WDR45B: variants seen among roughly 807,000 people sequenced by gnomAD.
WDR45B encodes the protein WD repeat domain phosphoinositide-interacting protein 3.
In WDR45B, 20 loss-of-function variants were observed where a neutral mutation model predicts 44.6. That is an observed-to-expected ratio of 0.45 (90% CI 0.32 to 0.65). The LOEUF is 0.65. WDR45B is among the 30% of genes least tolerant of loss of function. The probability of loss-of-function intolerance (pLI) is 0.05; values close to 1 mark genes in which losing one functional copy is unlikely to be tolerated. For synonymous variants in WDR45B, 169 were observed against 164.9 expected, an observed-to-expected ratio of 1.02 and a Z score of -0.19; for missense variants, 323 against 430.2, an observed-to-expected ratio of 0.75 and a Z score of 2.20.
chr17:82,635,228 A>T (rs1031942582), intron 2 of WDR45B, among the ~76,000 whole-genome samples: 1 of 151,830 alleles, frequency 6.6e-6, no homozygotes, highest in Non-Finnish European at 1.5e-5. Context: ...AGGTGTCAGA[A>T]GTGTAACTAT....
At chr17:82,646,319 C>A (rs2045974806) in intron 1 of WDR45B, among the ~76,000 whole-genome samples, 1 of 151,240 alleles carries the variant, frequency 6.6e-6, no homozygotes, top group Non-Finnish European at 1.5e-5. Context: ...GAAACCCAGT[C>A]TCTACTAAAA....
chr17:82,647,700 G>A (rs2045997416), intron 1 of WDR45B, among the ~76,000 whole-genome samples: 1 of 150,266 alleles, frequency 6.7e-6, no homozygotes, highest in Non-Finnish European at 1.5e-5. Context: ...CGGGAAAGGT[G>A]AGACCTGCAC....
At chr17:82,629,283 C>A (rs977047259) in intron 3 of WDR45B, among the ~76,000 whole-genome samples, 9 of 152,214 alleles carry the variant, frequency 5.9e-5, no homozygotes, top group Non-Finnish European at 1.3e-4. Flanking sequence ...AGCTTCCTTT[C>A]CTCCTTAATG....
chr17:82,642,257 G>A (rs1036149691), intron 2 of WDR45B, among the ~76,000 whole-genome samples: 8 of 152,100 alleles, frequency 5.3e-5, no homozygotes, highest in African/African-American at 9.7e-5. Flanking sequence ...GCTCTGCCCC[G>A]ACAGATCAGC....
intron 7 of WDR45B, among the ~76,000 whole-genome samples, chr17:82,618,452 T>C (rs548943269): frequency 6.6e-6 from 1 of 152,328 alleles, no homozygotes; most frequent in South Asian, 2.1e-4. Context: ...GTCTCCAGCA[T>C]TGCCTTAAAC....
At chr17:82,630,817 A>G (rs1380171694) in intron 3 of WDR45B, 104 bp downstream of exon 3, 1 of 1,159,332 alleles carries the variant, frequency 8.6e-7, no homozygotes, top group African/African-American at 1.5e-5. Context: ...GATATTTCAC[A>G]GAACTACTAG....
chr17:82,630,790 C>T (rs916554223), intron 3 of WDR45B, 131 bp downstream of exon 3: 7 of 926,960 alleles, frequency 7.6e-6, no homozygotes, highest in African/African-American at 1.6e-5. Flanking sequence ...CTGCTTCCTC[C>T]CCAGTGACCA....
At chr17:82,631,859 C>A (rs747557868) in intron 2 of WDR45B, among the ~76,000 whole-genome samples, 1 of 151,758 alleles carries the variant, frequency 6.6e-6, no homozygotes, top group South Asian at 2.1e-4. Flanking sequence ...CTGAGGCGGG[C>A]AGATGATGAG....
chr17:82,641,505 C>A (rs1209593703), intron 2 of WDR45B, among the ~76,000 whole-genome samples: 1 of 152,158 alleles, frequency 6.6e-6, no homozygotes, highest in Non-Finnish European at 1.5e-5. Flanking sequence ...GAACTCAAAT[C>A]TTCTCCACCT....
chr17:82,615,840 G>T lies in WDR45B; in HGVS notation c.*79C>A. The T allele has an allele frequency of 2.9e-6, 4 of 1,383,756 alleles. No homozygotes were observed. Among genetic ancestry groups the T allele is most frequent in the Non-Finnish European group, 4.1e-6 (4 of 974,020 alleles). The allele number at this position is 1,383,756 out of a possible 1,614,324, so 85.7% of individuals were successfully genotyped here. On this transcript the variant is annotated 3_prime_UTR_variant, in exon 10 of 10. Transcript: ENST00000392325. ...GCAGCCCCTCCAGCCCGTGGCCCAGGAGGCCCCTGGGGCACTGGCACCAGC... is the reference window on the plus strand; with the variant it reads ...GCAGCCCCTCCAGCCCGTGGCCCAGTAGGCCCCTGGGGCACTGGCACCAGC...
intron 2 of WDR45B, among the ~76,000 whole-genome samples, chr17:82,641,363 C>T (rs984782747): frequency 1.3e-5 from 2 of 152,194 alleles, no homozygotes; most frequent in Non-Finnish European, 2.9e-5. Flanking sequence ...ATGAGAGAGA[C>T]ACATACAGGT....
Position 82,643,949 on chromosome 17 carries a change from C to G in WDR45B, c.142G>C (p.Glu48Gln). The G allele has an allele frequency of 6.2e-7, 1 of 1,613,808 alleles. No individual in the cohort carries two copies. Among genetic ancestry groups the G allele is most frequent in the Non-Finnish European group, 8.5e-7 (1 of 1,179,826 alleles). ...CAGAAAATGTCCCGTTAATTCTTAC[C>G]TTGTTTCTCTTTTTCTTTTAGTGGA... ...TDPLKEKEKQ[E>Q]FLEGGVGHVE... Residue 48 changes from glutamate (E) to glutamine (Q), a missense_variant and splice_region_variant, in exon 2 of 10, where the codon GAA becomes CAA. Transcript: ENST00000392325.
intron 6 of WDR45B, among the ~76,000 whole-genome samples, chr17:82,621,252 CCAT>C (rs934097741): frequency 7.4e-4 from 112 of 152,252 alleles, no homozygotes; most frequent in Middle Eastern, 3.4e-3. Flanking sequence ...CGGGGTTTCA[CCAT>C]CTTGGCCAGG....
intron 1 of WDR45B, among the ~76,000 whole-genome samples, chr17:82,645,408 C>T (rs1395240620): frequency 1.3e-5 from 2 of 152,000 alleles, no homozygotes; most frequent in Admixed American, 6.6e-5. Context: ...AAGACTTAGA[C>T]ATGTCACAAG....
At chr17:82,646,638 A>G (rs2045982260) in intron 1 of WDR45B, among the ~76,000 whole-genome samples, 1 of 152,146 alleles carries the variant, frequency 6.6e-6, no homozygotes, top group South Asian at 2.1e-4. Flanking sequence ...GTGGCCAGGT[A>G]TATTCAATTT....
At chr17:82,627,878 G>A (rs955249556) in intron 3 of WDR45B, among the ~76,000 whole-genome samples, 25 of 152,362 alleles carry the variant, frequency 1.6e-4, no homozygotes, top group African/African-American at 5.8e-4. Flanking sequence ...TAAAAGTGCT[G>A]CAAATAAACC....
intron 1 of WDR45B, among the ~76,000 whole-genome samples, chr17:82,645,756 G>A (rs767641147): frequency 5.3e-5 from 8 of 152,058 alleles, no homozygotes; most frequent in Non-Finnish European, 7.4e-5. Context: ...AAACTGGAAC[G>A]TACCCAAATG....
At chr17:82,622,476 G>C (rs1001509806) in intron 5 of WDR45B, among the ~76,000 whole-genome samples, 3 of 152,274 alleles carry the variant, frequency 2.0e-5, no homozygotes, top group African/African-American at 7.2e-5. Context: ...TGTCACCCAG[G>C]CTGGAGTGTA....
chr17:82,616,360 C>T (rs1230703621), intron 9 of WDR45B, among the ~76,000 whole-genome samples, 164 bp downstream of exon 9: 1 of 152,192 alleles, frequency 6.6e-6, no homozygotes, highest in Non-Finnish European at 1.5e-5. Flanking sequence ...CCGTGCAGAC[C>T]GTAAGCGGGA....
Sources: allele counts gnomAD v4.1 joint callset (sites outside exome capture counted in the v4.1 genomes callset), GRCh38; gene constraint gnomAD v4.1.1; transcripts MANE v1.5; gene names NCBI Gene and HGNC (gene_info 2026-07-23, HGNC 2026-07-21).